SH3TC1: variants seen among roughly 807,000 people sequenced by gnomAD.
The protein encoded by SH3TC1 is SH3 domain and tetratricopeptide repeats 1.
SH3TC1 carries 135 observed loss-of-function variants against 117.3 expected under a neutral mutation model. That is an observed-to-expected ratio of 1.15 (90% CI 1.00 to 1.33). The LOEUF (loss-of-function observed/expected upper bound fraction) is 1.33. Ranked by LOEUF, SH3TC1 falls within the 40% of genes most tolerant of loss-of-function variation. SH3TC1 has a pLI of 0.00. For missense variants in SH3TC1, 2,092 were observed against 1,794.3 expected, an observed-to-expected ratio of 1.17 and a Z score of -3.00; for synonymous variants, 898 against 816.9, an observed-to-expected ratio of 1.10 and a Z score of -1.69.
Position 8,186,527 on chromosome 4 carries a change from G to A in SH3TC1, c.-57+4317G>A, listed in dbSNP as rs902762162. On this transcript the variant is annotated intron_variant, in intron 1 of 16. Coordinates refer to the SH3TC1 transcript ENST00000508641. The surrounding 1 kb of genome is among the most constrained non-coding windows in gnomAD (Gnocchi z 5.2). ...TGGTTTACTGAATGTGACAGGTTAC[G>A]CAGGTGTGAGATGGTCATCACGGGG... is the stretch of plus-strand genomic sequence containing the variant. Among the ~76,000 whole-genome samples the A allele has an allele frequency of 1.3e-5, 2 of 152,198 alleles. No individual in the cohort carries two copies. Among genetic ancestry groups the A allele is most frequent in the African/African-American group, 2.4e-5 (1 of 41,450 alleles).
chr4:8,212,273 G>C (rs894503663), intron 3 of SH3TC1, among the ~76,000 whole-genome samples: 6 of 150,862 alleles, frequency 4.0e-5, no homozygotes, highest in Admixed American at 1.3e-4. Flanking sequence ...CATGGGCGTG[G>C]AGGAGGAGCT....
intron 3 of SH3TC1, among the ~76,000 whole-genome samples, chr4:8,211,911 G>A (rs376721491): frequency 1.3e-5 from 2 of 152,102 alleles, no homozygotes; most frequent in African/African-American, 2.4e-5. Flanking sequence ...CCGATGGGTC[G>A]GACCATGCTG....
intron 11 of SH3TC1, among the ~76,000 whole-genome samples, chr4:8,226,777 A>G (rs1405380440): frequency 6.6e-6 from 1 of 152,230 alleles, no homozygotes; most frequent in Non-Finnish European, 1.5e-5. Context: ...CTGTCCCCAC[A>G]GTGCCGGAGT....
Position 8,240,689 on chromosome 4 carries a change from C to T in SH3TC1, c.3754-9C>T, listed in dbSNP as rs764662229. The T allele has an allele frequency of 1.2e-6, 2 of 1,613,900 alleles. No individual in the cohort carries two copies. The highest frequency in any genetic ancestry group is 1.7e-5 in the Admixed American group (1 of 60,022). The stretch of plus-strand genomic sequence containing the variant: ...CCCCCTTTTGCTGAGCATGGCCTGT[C>T]CCCTTCAGGACCCGTTTGATGCAGC... On this transcript the variant is annotated splice_polypyrimidine_tract_variant and intron_variant, in intron 17 of 17. Transcript: ENST00000245105.
Position 8,205,798 on chromosome 4 carries a change from C to T in SH3TC1, c.172+432C>T, listed in dbSNP as rs564334648. ...GCCAGGCCACCCTGTGGTCAGGGGC[C>T]GGGCCAGGACGTGTGCCCAGTTTCC... On this transcript the variant is annotated intron_variant, in intron 2 of 17. Coordinates refer to ENST00000245105, the MANE Select transcript of SH3TC1 (RefSeq NM_018986.5). This position sits in a 1 kb window ranked among gnomAD's most constrained non-coding sequence, Gnocchi z 5.4. 8.6e-5 allele frequency: 52 copies of T among 606,624 alleles called. No individual in the cohort carries two copies. Among genetic ancestry groups the T allele is most frequent in the Non-Finnish European group, 1.3e-4 (44 of 338,622 alleles). 37.6% of individuals were successfully genotyped at this position (606,624 alleles called of 1,614,324 possible).
At position 8,228,486 on chromosome 4, in the gene SH3TC1, G is replaced by A. The variant is rs776646348; in HGVS notation, c.2792G>A (p.Arg931Gln). ...CAGCACTACCTCCTGGAGGCCGTGCGGCTGTTCTCGAGGCTGCCCCTTGGG... is the reference window on the plus strand; with the variant it reads ...CAGCACTACCTCCTGGAGGCCGTGCAGCTGTTCTCGAGGCTGCCCCTTGGG... The part of the protein sequence containing the change: ...LAQHYLLEAV[R>Q]LFSRLPLGEC... Residue 931 changes from arginine to glutamine, a missense_variant, in exon 12 of 18, where the codon CGG (arginine) becomes CAG (glutamine). Coordinates refer to ENST00000245105, the MANE Select transcript of SH3TC1 (RefSeq NM_018986.5). The A allele has an allele frequency of 1.6e-5, 26 of 1,610,734 alleles. No individual in the cohort carries two copies. The highest frequency in any genetic ancestry group is 1.7e-4 in the Middle Eastern group (1 of 6,024).
chr4:8,211,578 C>T (rs2152983292), intron 3 of SH3TC1, among the ~76,000 whole-genome samples: 1 of 147,414 alleles, frequency 6.8e-6, no homozygotes, highest in Non-Finnish European at 1.5e-5. Context: ...GGCAGCCATG[C>T]TCTGCAGAGG....
chr4:8,237,656 T>G lies in SH3TC1; in HGVS notation c.3739T>G (p.Phe1247Val). Reference protein sequence around the residue: ...KVYLVLGDIIFYDLKDPFDAA... With the variant: ...KVYLVLGDIIVYDLKDPFDAA... ...GTACCTGGTGCTCGGTGACATCATC[T>G]TCTACGACCTGAAGGTGGGTGGGGA... The change falls in exon 17 of 18, where the codon TTC becomes GTC. Residue 1247 changes from phenylalanine (F) to valine (V), a missense_variant. Coordinates refer to ENST00000245105, the MANE Select transcript of SH3TC1 (RefSeq NM_018986.5). The G allele has an allele frequency of 6.2e-7, 1 of 1,605,096 alleles. No homozygotes were observed.
At chr4:8,196,896 T>C (rs1306951891), upstream of SH3TC1, among the ~76,000 whole-genome samples, 1 of 151,410 alleles carries the variant, frequency 6.6e-6, no homozygotes, top group Non-Finnish European at 1.5e-5. The surrounding 1 kb of genome is among the most constrained non-coding windows in gnomAD (Gnocchi z 4.6). Flanking sequence ...GCTGTTGGGG[T>C]TGAGGGGCTG....
chr4:8,220,572 G>A (rs1719823149), intron 9 of SH3TC1, among the ~76,000 whole-genome samples: 2 of 152,188 alleles, frequency 1.3e-5, no homozygotes, highest in Admixed American at 1.3e-4. Context: ...ATCCTTTGAT[G>A]GAATTCTGTT....
intron 1 of SH3TC1, among the ~76,000 whole-genome samples, chr4:8,203,443 G>A (rs1219141956): frequency 6.6e-6 from 1 of 152,082 alleles, no homozygotes; most frequent in Non-Finnish European, 1.5e-5. Context: ...ACTGTCCTGG[G>A]ACTGTCCTGA....
intron 1 of SH3TC1, among the ~76,000 whole-genome samples, chr4:8,187,868 A>G (rs994579593): frequency 5.3e-5 from 8 of 152,100 alleles, no homozygotes; most frequent in South Asian, 2.1e-4. Flanking sequence ...TGTTTTCTAC[A>G]TGGGATTGAC....
At position 8,227,215 on chromosome 4, in the gene SH3TC1, C is replaced by T. The variant is rs745587999; in HGVS notation, c.1521C>T (p.Asn507=). Residue 507 remains asparagine (N), a synonymous_variant, in exon 12 of 18, where the codon AAC becomes AAT. Coordinates refer to ENST00000245105, the MANE Select transcript of SH3TC1 (RefSeq NM_018986.5). ...TGAGCTCACTGCTGCTGTTCCTGAA[C>T]GCCCCTGGGTACAAGGCCAGCTTCC... ...EALSSLLLFL[N]APGYKASFRG... is the part of the protein sequence containing the mutation. 49 of 1,563,744 alleles carry T rather than the reference C, an allele frequency of 3.1e-5. No individual in the cohort carries two copies. Among genetic ancestry groups the T allele is most frequent in the Middle Eastern group, 1.7e-4 (1 of 5,894 alleles).
At chr4:8,233,578 TTGA>T (rs1288126935) in intron 14 of SH3TC1, 65 bp downstream of exon 14, 42 of 1,490,964 alleles carry the variant, frequency 2.8e-5, no homozygotes, top group South Asian at 4.1e-5. Flanking sequence ...CATCCGTCCA[TTGA>T]TGATGATGAT....
At chr4:8,194,010 C>T (rs538852719) in intron 1 of SH3TC1, among the ~76,000 whole-genome samples, 1 of 152,322 alleles carries the variant, frequency 6.6e-6, no homozygotes, top group Admixed American at 6.5e-5. Flanking sequence ...AAAGCCACCA[C>T]CCGTGCGGGA....
In SH3TC1 at chr4:8,183,886, T is replaced by C. The variant is rs916495889; in HGVS notation, c.-57+1676T>C. On this transcript the variant is annotated intron_variant, in intron 1 of 16. Coordinates refer to the SH3TC1 transcript ENST00000508641. The surrounding 1 kb of genome is among the most constrained non-coding windows in gnomAD (Gnocchi z 5.4). ...TATTTAGTCCTCCTATGCAAGTCCATGGTGGTGGGCATTCACCACCATGCC... is the reference window on the plus strand; with the variant it reads ...TATTTAGTCCTCCTATGCAAGTCCACGGTGGTGGGCATTCACCACCATGCC... Among the ~76,000 whole-genome samples the C allele has an allele frequency of 1.7e-4, 26 of 152,186 alleles. No homozygotes were observed. The highest frequency in any genetic ancestry group is 6.0e-4 in the African/African-American group (25 of 41,450).
At chr4:8,233,862 C>A (rs186211593) in intron 14 of SH3TC1, among the ~76,000 whole-genome samples, 1 of 151,402 alleles carries the variant, frequency 6.6e-6, no homozygotes, top group African/African-American at 2.4e-5. Context: ...CATCATCCAT[C>A]CATTCACCTA....
At chr4:8,208,361 A>G (rs554295991) in intron 2 of SH3TC1, among the ~76,000 whole-genome samples, 1 of 129,988 alleles carries the variant, frequency 7.7e-6, no homozygotes, top group African/African-American at 2.8e-5. Flanking sequence ...CATTTGAAAC[A>G]TTTCTTTCTT....
intron 9 of SH3TC1, 48 bp from the exon 10 acceptor site, chr4:8,222,792 T>C (rs1720062349): frequency 6.3e-7 from 1 of 1,593,310 alleles, no homozygotes; most frequent in Non-Finnish European, 8.6e-7. Flanking sequence ...TGTGAAATGC[T>C]GACTTTGCAA....
Sources: allele counts gnomAD v4.1 joint callset (sites outside exome capture counted in the v4.1 genomes callset), GRCh38; gene constraint gnomAD v4.1.1; non-coding constraint Gnocchi (gnomAD v3.1); transcripts MANE v1.5; gene names NCBI Gene and HGNC (gene_info 2026-07-23, HGNC 2026-07-21).